The following SYT17 variants were observed in gnomAD, a reference collection of about 807,000 sequenced individuals.
SYT17 encodes the protein synaptotagmin 17.
In SYT17, 22 loss-of-function variants were observed where a neutral mutation model predicts 46.7. That is an observed-to-expected ratio of 0.47 (90% CI 0.34 to 0.67). SYT17 has a LOEUF of 0.67. SYT17 is among the 30% of genes least tolerant of loss of function. The pLI is 0.01. For synonymous variants in SYT17, 251 were observed against 248.4 expected, an observed-to-expected ratio of 1.01 and a Z score of -0.10; for missense variants, 519 against 612.8, an observed-to-expected ratio of 0.85 and a Z score of 1.62.
At position 19,183,847 on chromosome 16, in the gene SYT17, C is replaced by T. The variant is rs146650723; in HGVS notation, c.651C>T (p.His217=). 5.3e-4 allele frequency: 856 copies of T among 1,614,180 alleles called. 1 individual carries two copies. Among genetic ancestry groups the T allele is most frequent in the Middle Eastern group, 1.2e-3 (7 of 6,062 alleles). ...GGGACCTGCCACCTCCCATCTCCCA[C>T]GATGGCTCGCGCCAGGACATGGCGC... ...EARDLPPPIS[H]DGSRQDMAHS... The change falls in exon 5 of 8, where the codon CAC becomes CAT. Residue 217 remains histidine (H), a synonymous_variant. Transcript: ENST00000355377. The surrounding 1 kb of genome is among the most constrained non-coding windows in gnomAD (Gnocchi z 5.6).
intron 7 of SYT17, among the ~76,000 whole-genome samples, chr16:19,266,268 T>C (rs1234982744): frequency 3.3e-5 from 5 of 152,210 alleles, no homozygotes; most frequent in Admixed American, 6.5e-5. Flanking sequence ...TTGGGATGCA[T>C]TGGCCTCCGC....
intron 5 of SYT17, among the ~76,000 whole-genome samples, chr16:19,207,294 A>G (rs1965710227): frequency 1.3e-5 from 2 of 152,180 alleles, no homozygotes; most frequent in African/African-American, 4.8e-5. Context: ...TTATTCTTCT[A>G]TAGCAATGCA....
rs763109194 is a variant in SYT17, at chr16:19,180,395, G to A, written c.187G>A (p.Ala63Thr). ...AGACCTCTTCCCTTCCTATAGGATG[G>A]CCAGCCGGAGCAGTGACAAGGATGG... is the stretch of plus-strand genomic sequence containing the variant. ...FPAQTPPWLM[A>T]SRSSDKDGDS... The change falls in exon 4 of 8, where the codon GCC becomes ACC. Residue 63 changes from alanine (A) to threonine (T), a missense_variant. Transcript: ENST00000355377. 1 of 1,614,130 alleles carries A rather than the reference G, an allele frequency of 6.2e-7. No homozygotes were observed. Among genetic ancestry groups the A allele is most frequent in the South Asian group, 1.1e-5 (1 of 91,082 alleles).
chr16:19,193,789 G>C (rs1365930895), intron 5 of SYT17, among the ~76,000 whole-genome samples: 1 of 152,166 alleles, frequency 6.6e-6, no homozygotes, highest in African/African-American at 2.4e-5. Flanking sequence ...GAGGGAGCTG[G>C]GGTATTTATT....
intron 5 of SYT17, among the ~76,000 whole-genome samples, chr16:19,218,819 G>C (rs940598531): frequency 3.3e-5 from 5 of 152,104 alleles, no homozygotes; most frequent in African/African-American, 1.2e-4. Context: ...GCCCACACTG[G>C]CCTTCTCTTT....
At chr16:19,180,954 G>C (rs1249913805) in intron 4 of SYT17, among the ~76,000 whole-genome samples, 2 of 152,154 alleles carry the variant, frequency 1.3e-5, no homozygotes, top group Non-Finnish European at 2.9e-5. Context: ...CATTGCCTGA[G>C]TGCAGTGACA....
chr16:19,210,200 T>C (rs1965843204), intron 5 of SYT17, among the ~76,000 whole-genome samples: 1 of 152,196 alleles, frequency 6.6e-6, no homozygotes, highest in Non-Finnish European at 1.5e-5. Context: ...TACATTTTTG[T>C]TAAATATAGT....
intron 3 of SYT17, among the ~76,000 whole-genome samples, chr16:19,178,383 C>A (rs1392648080): frequency 6.6e-6 from 1 of 152,060 alleles, no homozygotes; most frequent in Non-Finnish European, 1.5e-5. Context: ...CCGTGCCCGC[C>A]CAGTTTCAAG....
chr16:19,208,031 T>C (rs1478994091), intron 5 of SYT17, among the ~76,000 whole-genome samples: 3 of 152,154 alleles, frequency 2.0e-5, no homozygotes. Flanking sequence ...ATAAAGATCT[T>C]TATGAGCTTA....
chr16:19,199,098 T>G (rs1965364271), intron 5 of SYT17, among the ~76,000 whole-genome samples: 1 of 152,184 alleles, frequency 6.6e-6, no homozygotes, highest in South Asian at 2.1e-4. Flanking sequence ...TGACCACATA[T>G]GTATGGCAGG....
chr16:19,177,175 G>A (rs1315097804), intron 3 of SYT17, among the ~76,000 whole-genome samples: 2 of 152,178 alleles, frequency 1.3e-5, no homozygotes, highest in Non-Finnish European at 2.9e-5. Flanking sequence ...CCTCTGGGAA[G>A]ATACTTCTTT....
At position 19,173,077 on chromosome 16, in the gene SYT17, TATTC is replaced by T. The variant is rs1300257925; in HGVS notation, c.33+304_33+307del. On this transcript the variant is annotated intron_variant, in intron 2 of 7. Transcript: ENST00000355377. Reference sequence around the variant, plus strand: ...CCCTGCTTTCAAGAAGACACAGTAATATTCATTGTGTTTCGAACATATCGTATAG... The same window carrying T: ...CCCTGCTTTCAAGAAGACACAGTAATATTGTGTTTCGAACATATCGTATAG... The T allele has an allele frequency of 4.4e-5, 25 of 567,900 alleles. No individual in the cohort carries two copies. In the Admixed American group the frequency reaches 5.3e-4, roughly 12 times the overall value. 35.2% of individuals were successfully genotyped at this position (567,900 alleles called of 1,614,324 possible).
chr16:19,181,702 G>GAA (rs11359520), intron 4 of SYT17, among the ~76,000 whole-genome samples: 2 of 144,278 alleles, frequency 1.4e-5, no homozygotes, highest in African/African-American at 2.5e-5. Flanking sequence ...GGACAGTGAG[G>GAA]AAAAAAAAAA....
chr16:19,215,016 G>A (rs377057451), intron 5 of SYT17, among the ~76,000 whole-genome samples: 2 of 151,998 alleles, frequency 1.3e-5, no homozygotes, highest in African/African-American at 2.4e-5. Context: ...TCGAACTCCC[G>A]ACCTCAAGTG....
chr16:19,217,122 T>C (rs546588434), intron 5 of SYT17, among the ~76,000 whole-genome samples: 2 of 152,374 alleles, frequency 1.3e-5, no homozygotes, highest in East Asian at 3.9e-4. Flanking sequence ...TGCATTTCTC[T>C]AATAACCAGT....
chr16:19,213,012 ACTTTT>A (rs1965965637), intron 5 of SYT17, among the ~76,000 whole-genome samples: 1 of 152,154 alleles, frequency 6.6e-6, no homozygotes, highest in Non-Finnish European at 1.5e-5. Flanking sequence ...CAGTGAATAG[ACTTTT>A]CTTTCTTCTT....
chr16:19,214,098 C>A (rs1206734386), intron 5 of SYT17, among the ~76,000 whole-genome samples: 1 of 152,174 alleles, frequency 6.6e-6, no homozygotes, highest in Non-Finnish European at 1.5e-5. Context: ...CCAGTTATGA[C>A]AACTAAAACA....
chr16:19,170,822 AT>A (rs1411089930), intron 1 of SYT17: 1 of 152,032 alleles, frequency 6.6e-6, no homozygotes, highest in African/African-American at 2.4e-5. Context: ...AGGGTATAAT[AT>A]TTTGCTGTTT....
chr16:19,257,077 A>G (rs890271806), intron 7 of SYT17, among the ~76,000 whole-genome samples: 3 of 152,196 alleles, frequency 2.0e-5, no homozygotes, highest in Non-Finnish European at 4.4e-5. Flanking sequence ...ACATATATAA[A>G]GTGCTTTTCT....
Sources: allele counts gnomAD v4.1 joint callset (sites outside exome capture counted in the v4.1 genomes callset), GRCh38; gene constraint gnomAD v4.1.1; non-coding constraint Gnocchi (gnomAD v3.1); transcripts MANE v1.5; gene names NCBI Gene and HGNC (gene_info 2026-07-23, HGNC 2026-07-21).